PPP2R2B: variants seen among roughly 807,000 people sequenced by gnomAD.
PPP2R2B encodes the protein serine/threonine-protein phosphatase 2A 55 kDa regulatory subunit B beta isoform.
A neutral mutation model predicts 46.0 loss-of-function variants in PPP2R2B; 5 were observed. That is an observed-to-expected ratio of 0.11 (90% CI 0.06 to 0.23). The LOEUF (loss-of-function observed/expected upper bound fraction) is 0.23, where lower values mean the gene tolerates loss of function less well. PPP2R2B is among the 10% of genes least tolerant of loss of function. The pLI is 1.00. For synonymous variants in PPP2R2B, 215 were observed against 206.7 expected (o/e 1.04, Z -0.34); for missense variants, 367 against 575.0 (o/e 0.64, Z 3.70).
intron 2 of PPP2R2B, among the ~76,000 whole-genome samples, chr5:146,855,553 A>C (rs1760607845): frequency 6.6e-6 from 1 of 152,018 alleles, no homozygotes; most frequent in Non-Finnish European, 1.5e-5. Flanking sequence ...CCACCTTTTA[A>C]ATTTTATTAG....
At chr5:146,825,579 G>A (rs188120419) in intron 2 of PPP2R2B, among the ~76,000 whole-genome samples, 82 of 152,254 alleles carry the variant, frequency 5.4e-4, no homozygotes, top group African/African-American at 2.0e-3. Context: ...AAGTGTAAGG[G>A]TTAAAGAAAT....
intron 1 of PPP2R2B, among the ~76,000 whole-genome samples, chr5:147,030,548 TAGGTTTATTTG>T (rs1450165993): frequency 1.3e-5 from 2 of 152,176 alleles, no homozygotes; most frequent in Non-Finnish European, 2.9e-5. Context: ...GTAACTACCA[TAGGTTTATTTG>T]TTTTATTTTG....
chr5:146,632,515 A>G (rs1182191620), intron 7 of PPP2R2B, among the ~76,000 whole-genome samples: 1 of 152,176 alleles, frequency 6.6e-6, no homozygotes, highest in Non-Finnish European at 1.5e-5. Context: ...ATGAAGCCCC[A>G]CCAGGTGCTA....
At chr5:146,869,128 T>C (rs533005242) in intron 2 of PPP2R2B, among the ~76,000 whole-genome samples, 10 of 152,320 alleles carry the variant, frequency 6.6e-5, no homozygotes, top group African/African-American at 2.4e-4. Flanking sequence ...TGGGCACATA[T>C]GAATAGGTAG....
At chr5:146,710,796 C>G (rs1279167071) in intron 2 of PPP2R2B, among the ~76,000 whole-genome samples, 1 of 152,262 alleles carries the variant, frequency 6.6e-6, no homozygotes, top group African/African-American at 2.4e-5. Flanking sequence ...AAAGTTCTCA[C>G]ATCTGTGGGG....
chr5:146,948,958 G>A (rs1764571161), intron 1 of PPP2R2B, among the ~76,000 whole-genome samples: 1 of 151,980 alleles, frequency 6.6e-6, no homozygotes, highest in African/African-American at 2.4e-5. Flanking sequence ...TCTCAGAAAG[G>A]GCACCCATGG....
intron 2 of PPP2R2B, among the ~76,000 whole-genome samples, chr5:146,867,210 A>G (rs1561972408): frequency 6.6e-6 from 1 of 152,214 alleles, no homozygotes; most frequent in Non-Finnish European, 1.5e-5. Flanking sequence ...ATCTAGAAGT[A>G]TTCTGTAGTA....
At position 146,791,419 on chromosome 5, in the gene PPP2R2B, ACGTGTG is replaced by A. The variant is rs1263334131; in HGVS notation, c.70+86577_70+86582del. On this transcript the variant is annotated intron_variant, in intron 2 of 9. Transcript: ENST00000394411. ...GTGTGTATGTGTGTGTGGTGTGTGC[ACGTGTG>A]CGTGTGCGTCTGTACAGCTTACAGG... Among the ~76,000 whole-genome samples the A allele has an allele frequency of 2.0e-5, 3 of 151,946 alleles. No individual in the cohort carries two copies. The South Asian group carries it at 6.3e-4, about 32-fold the overall frequency.
At chr5:146,769,531 A>G (rs770616217) in intron 2 of PPP2R2B, among the ~76,000 whole-genome samples, 23 of 152,226 alleles carry the variant, frequency 1.5e-4, no homozygotes, top group Non-Finnish European at 1.2e-4. Context: ...ATCAGCAATC[A>G]TTGTTGAGGT....
chr5:146,617,689 T>A (rs1382790385), intron 7 of PPP2R2B, among the ~76,000 whole-genome samples: 1 of 147,348 alleles, frequency 6.8e-6, no homozygotes, highest in Non-Finnish European at 1.5e-5. Flanking sequence ...CATCTCTCTC[T>A]CTCTCTCTCT....
At chr5:146,913,107 G>T (rs1763252106) in intron 1 of PPP2R2B, among the ~76,000 whole-genome samples, 1 of 152,182 alleles carries the variant, frequency 6.6e-6, no homozygotes, top group Non-Finnish European at 1.5e-5. Flanking sequence ...GCCCATGCAG[G>T]TAAGATGTTC....
chr5:146,703,385 T>C (rs1208950494), intron 2 of PPP2R2B, among the ~76,000 whole-genome samples: 2 of 152,176 alleles, frequency 1.3e-5, no homozygotes, highest in African/African-American at 4.8e-5. Flanking sequence ...TTACAATGCC[T>C]GGCTCTTGTC....
intron 2 of PPP2R2B, among the ~76,000 whole-genome samples, chr5:146,815,976 T>TA (rs1247931194): frequency 2.6e-5 from 4 of 152,226 alleles, no homozygotes; most frequent in Admixed American, 2.6e-4. Context: ...TTTGAAGATA[T>TA]TCACCACTCC....
chr5:147,067,581 C>T (rs1561610611), intron 2 of PPP2R2B, among the ~76,000 whole-genome samples: 1 of 152,116 alleles, frequency 6.6e-6, no homozygotes, highest in Non-Finnish European at 1.5e-5. Context: ...CACAGGGGAA[C>T]CTGAGTGGTG....
At chr5:146,908,515 A>C (rs1763074581) in intron 1 of PPP2R2B, among the ~76,000 whole-genome samples, 1 of 150,762 alleles carries the variant, frequency 6.6e-6, no homozygotes, top group South Asian at 2.1e-4. Flanking sequence ...CGTAATAAAG[A>C]AATTGTTAGA....
At chr5:147,073,598 A>G (rs1292124460) in intron 2 of PPP2R2B, among the ~76,000 whole-genome samples, 1 of 152,182 alleles carries the variant, frequency 6.6e-6, no homozygotes, top group African/African-American at 2.4e-5. Flanking sequence ...GCTGCACAGT[A>G]TCTCACATTT....
chr5:146,712,864 A>C (rs1191224350), intron 2 of PPP2R2B, among the ~76,000 whole-genome samples: 1 of 152,160 alleles, frequency 6.6e-6, no homozygotes, highest in East Asian at 1.9e-4. Context: ...AGGGTTAATT[A>C]ATTCATTCAT....
intron 2 of PPP2R2B, among the ~76,000 whole-genome samples, chr5:147,063,594 G>T (rs758877075): frequency 6.6e-6 from 1 of 152,070 alleles, no homozygotes; most frequent in African/African-American, 2.4e-5. Flanking sequence ...CTGTTCTGCA[G>T]AAAAAAACTG....
At chr5:146,716,280 G>GT (rs879795398) in intron 2 of PPP2R2B, among the ~76,000 whole-genome samples, 20 of 152,046 alleles carry the variant, frequency 1.3e-4, no homozygotes, top group Non-Finnish European at 2.5e-4. Context: ...CACAAAAACT[G>GT]TAACTCTTTG....
Sources: allele counts gnomAD v4.1 joint callset (sites outside exome capture counted in the v4.1 genomes callset), GRCh38; gene constraint gnomAD v4.1.1; transcripts MANE v1.5; gene names NCBI Gene and HGNC (gene_info 2026-07-23, HGNC 2026-07-21).